ZNF804A: variants seen among roughly 807,000 people sequenced by gnomAD.
ZNF804A encodes the protein zinc finger protein 804A.
Under a neutral mutation model 16.5 loss-of-function variants are expected in ZNF804A, and 2 were observed. The observed-to-expected ratio is 0.12, with a 90% confidence interval of 0.05 to 0.38. The LOEUF is 0.38. ZNF804A is among the 10% of genes least tolerant of loss of function. The pLI, the probability that ZNF804A is intolerant of heterozygous loss-of-function variation, is 0.99. For missense variants in ZNF804A, 1,473 were observed against 1,390.7 expected (o/e 1.06, Z -0.94); for synonymous variants, 534 against 489.6 (o/e 1.09, Z -1.20).
At chr2:184,777,576 C>G (rs937165597) in intron 1 of ZNF804A, among the ~76,000 whole-genome samples, 1 of 151,304 alleles carries the variant, frequency 6.6e-6, no homozygotes, top group Non-Finnish European at 1.5e-5. Flanking sequence ...TTTTTTACTG[C>G]TATCTAAAGG....
chr2:184,836,057 A>C (rs1558977018), intron 1 of ZNF804A, among the ~76,000 whole-genome samples: 1 of 150,904 alleles, frequency 6.6e-6, no homozygotes, highest in Non-Finnish European at 1.5e-5. Context: ...TAACTATGTT[A>C]TCTCTCTGGG....
intron 1 of ZNF804A, among the ~76,000 whole-genome samples, chr2:184,662,451 T>C (rs1450519201): frequency 6.6e-6 from 1 of 152,202 alleles, no homozygotes; most frequent in Non-Finnish European, 1.5e-5. Context: ...TAAGTGTCCA[T>C]TGAGATAACT....
intron 2 of ZNF804A, among the ~76,000 whole-genome samples, chr2:184,880,773 G>A (rs112372472): frequency 0.016 from 2,380 of 152,136 alleles, 27 homozygotes; most frequent in Admixed American, 0.031. Context: ...TCATCCCATG[G>A]TGGAAGGCAG....
At chr2:184,675,103 A>G (rs540016373) in intron 1 of ZNF804A, among the ~76,000 whole-genome samples, 23 of 151,822 alleles carry the variant, frequency 1.5e-4, no homozygotes, top group Non-Finnish European at 2.5e-4. Flanking sequence ...TGTACTGTGC[A>G]TGTATGAGTG....
intron 1 of ZNF804A, among the ~76,000 whole-genome samples, chr2:184,743,704 G>T (rs1693741040): frequency 6.6e-6 from 1 of 151,614 alleles, no homozygotes; most frequent in African/African-American, 2.4e-5. Flanking sequence ...ATATTAAAAT[G>T]GGAGAAATAA....
intron 1 of ZNF804A, among the ~76,000 whole-genome samples, chr2:184,757,807 A>G (rs1693982129): frequency 6.6e-6 from 1 of 152,004 alleles, no homozygotes; most frequent in Admixed American, 6.6e-5. Flanking sequence ...GTGAAAACAA[A>G]CAAAACAATA....
At chr2:184,859,056 G>A (rs930027470) in intron 1 of ZNF804A, among the ~76,000 whole-genome samples, 5 of 151,950 alleles carry the variant, frequency 3.3e-5, no homozygotes, top group African/African-American at 9.7e-5. Context: ...TATGTTATTC[G>A]ATTCTTTTTT....
intron 1 of ZNF804A, among the ~76,000 whole-genome samples, chr2:184,610,319 G>A (rs1239990510): frequency 6.6e-6 from 1 of 152,102 alleles, no homozygotes; most frequent in Non-Finnish European, 1.5e-5. Context: ...TAGCAACAGA[G>A]AACAGACTAA....
intron 1 of ZNF804A, among the ~76,000 whole-genome samples, chr2:184,800,075 A>G (rs72903765): frequency 0.052 from 7,658 of 147,366 alleles, 253 homozygotes; most frequent in Middle Eastern, 0.079. Flanking sequence ...GCATAGAAAT[A>G]TTCATAATAT....
chr2:184,612,748 T>A (rs1331470670), intron 1 of ZNF804A, among the ~76,000 whole-genome samples: 4 of 152,210 alleles, frequency 2.6e-5, no homozygotes, highest in African/African-American at 9.6e-5. Context: ...TTATGATACA[T>A]ACTGTTACTC....
intron 1 of ZNF804A, among the ~76,000 whole-genome samples, chr2:184,617,105 T>C (rs1691334243): frequency 1.3e-5 from 2 of 151,976 alleles, no homozygotes; most frequent in Admixed American, 1.3e-4. Flanking sequence ...AGAAGATAAA[T>C]TAAAAAAACT....
rs370166083 is a variant in ZNF804A at position 184,701,970 on chromosome 2, T to A, written c.111+102900T>A. On this transcript the variant is annotated intron_variant, in intron 1 of 3. Transcript: ENST00000302277. ...TGGTGTTAAAAAGAGTTCTTTAGAG[T>A]TTAGATTCTTGTAAATCTGAAGTAA... is the stretch of plus-strand genomic sequence containing the variant. Among the ~76,000 whole-genome samples, 9 of 152,118 alleles carry A rather than the reference T, an allele frequency of 5.9e-5. No individual in the cohort carries two copies. The South Asian group carries it at 1.9e-3, about 31-fold the overall frequency.
intron 1 of ZNF804A, among the ~76,000 whole-genome samples, chr2:184,711,084 GT>G (rs1693118347): frequency 6.6e-6 from 1 of 151,620 alleles, no homozygotes. Context: ...TGTGACTATT[GT>G]TTTTATGGCA....
intron 1 of ZNF804A, among the ~76,000 whole-genome samples, chr2:184,655,013 T>C (rs1270689622): frequency 6.6e-6 from 1 of 152,246 alleles, no homozygotes; most frequent in Admixed American, 6.5e-5. Context: ...AATGAGATTA[T>C]ACATCTCTAC....
At chr2:184,918,285 C>T (rs1685481495) in intron 2 of ZNF804A, among the ~76,000 whole-genome samples, 1 of 152,092 alleles carries the variant, frequency 6.6e-6, no homozygotes, top group Non-Finnish European at 1.5e-5. Context: ...GTCTTAACTT[C>T]CAGTTCAGTG....
chr2:184,698,359 C>A lies in ZNF804A; in HGVS notation c.111+99289C>A, dbSNP rs561974612. Among the ~76,000 whole-genome samples the A allele has an allele frequency of 5.3e-5, 8 of 152,178 alleles. No homozygotes were observed. The South Asian group carries it at 1.7e-3, about 32-fold the overall frequency. The stretch of plus-strand genomic sequence containing the variant: ...ATAAAGCTTGATAACTTCTCTTATA[C>A]AGCTAAAAGCAGTATCAGTAATATT... On this transcript the variant is annotated intron_variant, in intron 1 of 3. Coordinates refer to ENST00000302277, the MANE Select transcript of ZNF804A (RefSeq NM_194250.2).
At chr2:184,660,232 A>G (rs190491394) in intron 1 of ZNF804A, among the ~76,000 whole-genome samples, 1 of 152,356 alleles carries the variant, frequency 6.6e-6, no homozygotes, top group East Asian at 1.9e-4. Flanking sequence ...AGCACAGTCT[A>G]AATTCTTCCA....
intron 1 of ZNF804A, among the ~76,000 whole-genome samples, chr2:184,608,555 A>G (rs1032462102): frequency 1.3e-5 from 2 of 152,152 alleles, no homozygotes; most frequent in African/African-American, 2.4e-5. Context: ...TGGACTTGTT[A>G]TTGTTAAGCT....
intron 1 of ZNF804A, among the ~76,000 whole-genome samples, chr2:184,710,167 A>G (rs759162205): frequency 3.6e-4 from 54 of 151,414 alleles, no homozygotes; most frequent in Non-Finnish European, 5.0e-4. Flanking sequence ...TAATTGACAC[A>G]CAGTAAACTG....
Sources: gnomAD v4.1 joint callset for allele counts (sites outside exome capture counted in the v4.1 genomes callset) on GRCh38, gnomAD v4.1.1 for gene constraint, MANE v1.5 for transcripts, NCBI Gene and HGNC (gene_info 2026-07-23, HGNC 2026-07-21) for gene names.